Variants in FHIP1A observed in about 807,000 individuals in gnomAD.
The protein encoded by FHIP1A is FHF complex subunit HOOK-interacting protein 1A.
FHIP1A carries 61 observed loss-of-function variants against 88.6 expected under a neutral mutation model. The ratio of observed to expected loss-of-function variants is 0.69; its 90% CI spans 0.56 to 0.85. The LOEUF (loss-of-function observed/expected upper bound fraction) is 0.85, where lower values mean the gene tolerates loss of function less well. Among genes scored for constraint, FHIP1A ranks in the 40% least tolerant of loss-of-function variants. The pLI, the probability that FHIP1A is intolerant of heterozygous loss-of-function variation, is 0.00. For missense variants in FHIP1A, 1,154 were observed against 1,273.5 expected (o/e 0.91, Z 1.43); for synonymous variants, 478 against 496.0 (o/e 0.96, Z 0.48).
rs116214192 is a variant in FHIP1A at position 151,567,310 on chromosome 4, A to G, written c.105+946A>G. 5.2e-3 allele frequency among the ~76,000 whole-genome samples: 787 copies of G among 152,232 alleles called. 5 individuals carry two copies. Among genetic ancestry groups the G allele is most frequent in the African/African-American group, 0.018 (765 of 41,520 alleles). On this transcript the variant is annotated intron_variant, in intron 4 of 13. Transcript: ENST00000435205. ...GTTCCTTCTTGTGGCCGGAAACAGCACACTGGTTAAAGCACTGAGCCTGTA... is the reference window on the plus strand; with the variant it reads ...GTTCCTTCTTGTGGCCGGAAACAGCGCACTGGTTAAAGCACTGAGCCTGTA...
intron 1 of FHIP1A, among the ~76,000 whole-genome samples, chr4:151,437,671 G>A (rs1288587552): frequency 6.6e-6 from 1 of 152,132 alleles, no homozygotes; most frequent in Admixed American, 6.5e-5. Flanking sequence ...ATTATTCCAT[G>A]TGATTAAATT....
chr4:151,419,303 C>T (rs1293155077), intron 1 of FHIP1A, among the ~76,000 whole-genome samples: 1 of 152,216 alleles, frequency 6.6e-6, no homozygotes, highest in Non-Finnish European at 1.5e-5. Context: ...TTGGTCTTCT[C>T]CTGCCTTCAG....
At chr4:151,411,567 C>A (rs530919360) in intron 1 of FHIP1A, among the ~76,000 whole-genome samples, 1 of 151,878 alleles carries the variant, frequency 6.6e-6, no homozygotes, top group African/African-American at 2.4e-5. Flanking sequence ...CCAGGCTGCC[C>A]TTGAGCTCCT....
chr4:151,566,336 T>A lies in FHIP1A; in HGVS notation c.77T>A (p.Met26Lys). 1 of 1,550,538 alleles carries A rather than the reference T, an allele frequency of 6.4e-7. No individual in the cohort carries two copies. Among genetic ancestry groups the A allele is most frequent in the Non-Finnish European group, 8.7e-7 (1 of 1,145,962 alleles). Residue 26 changes from methionine (M) to lysine (K), a missense_variant, in exon 4 of 14, where the codon ATG (methionine) becomes AAG (lysine). By Grantham distance (95) the Met-to-Lys change is moderately conservative (BLOSUM62 -1). Transcript: ENST00000435205. Reference sequence around the variant, plus strand: ...CAGGGAGTTGACCCAGAAACATGCATGATTGTATTTAAAAACCACTGGGCA... The same window carrying A: ...CAGGGAGTTGACCCAGAAACATGCAAGATTGTATTTAAAAACCACTGGGCA... ...SLQGVDPETC[M>K]IVFKNHWAQV...
rs557887644 is a variant in FHIP1A, at chr4:151,665,074, A to C, written c.*2320A>C. On this transcript the variant is annotated 3_prime_UTR_variant, in exon 14 of 14. Coordinates refer to ENST00000435205, the MANE Select transcript of FHIP1A (RefSeq NM_001109977.3). Reference sequence around the variant, plus strand: ...ATTGTAGCCTCAACCTCCTGGGCTCAAGTGATCCTCCCACCTCAGCCTTCC... The same window carrying C: ...ATTGTAGCCTCAACCTCCTGGGCTCCAGTGATCCTCCCACCTCAGCCTTCC... Among the ~76,000 whole-genome samples the C allele has an allele frequency of 1.3e-3, 201 of 152,316 alleles. No individual in the cohort carries two copies. The highest frequency in any genetic ancestry group is 3.4e-3 in the Middle Eastern group (1 of 294).
At chr4:151,556,975 C>T (rs577459773) in intron 3 of FHIP1A, among the ~76,000 whole-genome samples, 18 of 152,040 alleles carry the variant, frequency 1.2e-4, no homozygotes, top group Admixed American at 1.1e-3. Context: ...ACAAATGCCT[C>T]GCTAAGGGAT....
chr4:151,567,538 A>G (rs1315764514), intron 4 of FHIP1A, among the ~76,000 whole-genome samples: 1 of 152,130 alleles, frequency 6.6e-6, no homozygotes, highest in African/African-American at 2.4e-5. Flanking sequence ...AGTTAAGGGA[A>G]GAAAGTAATT....
At chr4:151,443,545 T>A (rs934938092) in intron 1 of FHIP1A, among the ~76,000 whole-genome samples, 3 of 152,082 alleles carry the variant, frequency 2.0e-5, no homozygotes, top group African/African-American at 7.2e-5. Context: ...TAGACTTGGT[T>A]CCCTATTCAT....
At chr4:151,510,220 T>A (rs929632448) in intron 3 of FHIP1A, among the ~76,000 whole-genome samples, 1 of 152,052 alleles carries the variant, frequency 6.6e-6, no homozygotes, top group Non-Finnish European at 1.5e-5. Context: ...TCCTTCCACC[T>A]CAGCTTCCTG....
At chr4:151,638,796 T>C (rs1404084922) in intron 9 of FHIP1A, 40 bp downstream of exon 9, 1 of 1,095,818 alleles carries the variant, frequency 9.1e-7, no homozygotes, top group East Asian at 2.6e-5. Context: ...AAAAATTCAC[T>C]TTATACTTTA....
intron 3 of FHIP1A, among the ~76,000 whole-genome samples, chr4:151,519,492 G>T (rs948278253): frequency 1.3e-5 from 2 of 151,846 alleles, no homozygotes; most frequent in Admixed American, 6.6e-5. Flanking sequence ...ACATCTGGGG[G>T]TATTTTCATC....
chr4:151,617,940 G>C (rs946849465), intron 7 of FHIP1A, among the ~76,000 whole-genome samples: 2 of 152,080 alleles, frequency 1.3e-5, no homozygotes, highest in Non-Finnish European at 2.9e-5. Context: ...CACTGCTGTG[G>C]GCAGAAGCCT....
Position 151,409,366 on chromosome 4 carries a change from A to C in FHIP1A, c.-455A>C, listed in dbSNP as rs1469340069. 6.6e-6 allele frequency: 1 copy of C among 152,338 alleles called. No individual in the cohort carries two copies. Among genetic ancestry groups the C allele is most frequent in the East Asian group, 1.9e-4 (1 of 5,182 alleles). 9.4% of individuals were successfully genotyped at this position (152,338 alleles called of 1,614,324 possible). A position where few individuals can be genotyped will look rare whatever the true frequency, so the allele number is the denominator to read the frequency against. ...CGGCTTTCCTCACTGGGTCCCGCGC[A>C]GGCGTCCCCGGGACCGCAGAGCAAA... is the stretch of plus-strand genomic sequence containing the variant. On this transcript the variant is annotated 5_prime_UTR_variant, in exon 1 of 14. Transcript: ENST00000435205.
chr4:151,599,486 G>T (rs1000412302), intron 7 of FHIP1A, among the ~76,000 whole-genome samples: 5 of 152,164 alleles, frequency 3.3e-5, no homozygotes, highest in Admixed American at 3.3e-4. Flanking sequence ...AGAGCTTTCA[G>T]ACTGCAACAC....
intron 3 of FHIP1A, among the ~76,000 whole-genome samples, chr4:151,542,350 C>T (rs560839184): frequency 6.6e-6 from 1 of 152,114 alleles, no homozygotes; most frequent in Non-Finnish European, 1.5e-5. Flanking sequence ...TGACTTGTCC[C>T]CTCCACATCC....
At chr4:151,435,208 G>C (rs1733757495) in intron 1 of FHIP1A, among the ~76,000 whole-genome samples, 1 of 151,824 alleles carries the variant, frequency 6.6e-6, no homozygotes, top group Admixed American at 6.6e-5. Flanking sequence ...TGGAACACTG[G>C]AACTTACTCC....
chr4:151,653,767 G>A (rs971492754), intron 11 of FHIP1A, among the ~76,000 whole-genome samples: 1 of 152,130 alleles, frequency 6.6e-6, no homozygotes, highest in Non-Finnish European at 1.5e-5. Context: ...TTTGCCGAGG[G>A]AGGCACGGAA....
chr4:151,662,507 T>G lies in FHIP1A; in HGVS notation c.2876T>G (p.Ile959Ser). ...GTTTTCTTTCTGCTTTCAGATCCCA[T>G]TCAGGAGGCTTCCAGGACAGGAAGT... ...MTPAALTKDPIQEASRTGSGK... is the reference protein window; with the variant it reads ...MTPAALTKDPSQEASRTGSGK... Residue 959 changes from isoleucine (I) to serine (S), a missense_variant, in exon 14 of 14, where the codon ATT becomes AGT. Ile to Ser is a moderately radical substitution (Grantham distance 142). Transcript: ENST00000435205. 1 of 1,533,478 alleles carries G rather than the reference T, an allele frequency of 6.5e-7. No homozygotes were observed. The highest frequency in any genetic ancestry group is 8.8e-7 in the Non-Finnish European group (1 of 1,135,400). The allele number at this position is 1,533,478 out of a possible 1,614,324, so 95.0% of individuals were successfully genotyped here.
intron 1 of FHIP1A, among the ~76,000 whole-genome samples, chr4:151,447,036 T>G (rs1381794066): frequency 5.3e-5 from 8 of 152,352 alleles, no homozygotes; most frequent in African/African-American, 1.9e-4. Context: ...TTTTTTCCAT[T>G]TAATGATTTA....
Sources: allele counts gnomAD v4.1 joint callset (sites outside exome capture counted in the v4.1 genomes callset), GRCh38; gene constraint gnomAD v4.1.1; transcripts MANE v1.5; gene names NCBI Gene and HGNC (gene_info 2026-07-23, HGNC 2026-07-21).